The following EXOC6B variants were observed in gnomAD, a reference collection of about 807,000 sequenced individuals.
EXOC6B encodes the protein exocyst complex component 6B.
In EXOC6B, 54 loss-of-function variants were observed where a neutral mutation model predicts 113.5. The ratio of observed to expected loss-of-function variants is 0.48; its 90% CI spans 0.38 to 0.60. EXOC6B has a LOEUF of 0.60. EXOC6B is among the 20% of genes least tolerant of loss of function. The probability of loss-of-function intolerance (pLI) is 0.00; values close to 1 mark genes in which losing one functional copy is unlikely to be tolerated. For missense variants in EXOC6B, 797 were observed against 977.5 expected (o/e 0.82, Z 2.46); for synonymous variants, 357 against 339.0 (o/e 1.05, Z -0.58).
At chr2:72,816,361 C>T (rs1316635695) in intron 1 of EXOC6B, among the ~76,000 whole-genome samples, 1 of 152,102 alleles carries the variant, frequency 6.6e-6, no homozygotes, top group Non-Finnish European at 1.5e-5. Context: ...CCTCTATATA[C>T]TGATATGGAC....
intron 6 of EXOC6B, among the ~76,000 whole-genome samples, chr2:72,588,600 C>CTGTACAACATTGTGAA (rs1705729813): frequency 6.6e-6 from 1 of 151,962 alleles, no homozygotes; most frequent in African/African-American, 2.4e-5. Flanking sequence ...TAGAGATTGG[C>CTGTACAACATTGTGAA]TGTACAACAT....
intron 6 of EXOC6B, among the ~76,000 whole-genome samples, chr2:72,701,419 A>T (rs1358919808): frequency 6.6e-6 from 1 of 152,062 alleles, no homozygotes; most frequent in Non-Finnish European, 1.5e-5. Context: ...ATCTAGAGAT[A>T]TCAAAGTTGA....
At chr2:72,748,744 A>T (rs1446233885) in intron 1 of EXOC6B, among the ~76,000 whole-genome samples, 1 of 152,038 alleles carries the variant, frequency 6.6e-6, no homozygotes, top group African/African-American at 2.4e-5. Context: ...AATGATGGCT[A>T]TTTCCAGAGG....
chr2:72,290,809 C>T (rs1685736066), intron 20 of EXOC6B, among the ~76,000 whole-genome samples: 1 of 151,886 alleles, frequency 6.6e-6, no homozygotes, highest in Admixed American at 6.6e-5. Flanking sequence ...TTCAATAAAA[C>T]ATTACAGTTA....
chr2:72,498,606 G>GTT (rs74263957), intron 12 of EXOC6B, 55 bp from the exon 13 acceptor site: 8,748 of 828,270 alleles, frequency 0.011, 36 homozygotes, highest in African/African-American at 0.034. Context: ...TTTTTTTTCG[G>GTT]TTTTTTTTTT....
intron 1 of EXOC6B, among the ~76,000 whole-genome samples, chr2:72,780,385 T>C (rs1237635318): frequency 2.0e-5 from 3 of 152,202 alleles, no homozygotes; most frequent in Admixed American, 6.5e-5. Flanking sequence ...CTTTATAAAA[T>C]AACCTGATTA....
intron 20 of EXOC6B, among the ~76,000 whole-genome samples, chr2:72,251,664 C>T (rs1360789025): frequency 6.6e-6 from 1 of 152,052 alleles, no homozygotes; most frequent in Non-Finnish European, 1.5e-5. Flanking sequence ...ATACATTTCC[C>T]CATATTGTAA....
At chr2:72,333,575 G>C (rs553769490) in intron 20 of EXOC6B, among the ~76,000 whole-genome samples, 1 of 152,100 alleles carries the variant, frequency 6.6e-6, no homozygotes, top group Non-Finnish European at 1.5e-5. Flanking sequence ...TCAGTCAAGG[G>C]ATTAAAACCT....
rs1473594484 is a variant in EXOC6B at position 72,559,512 on chromosome 2, C to G, written c.856G>C (p.Ala286Pro). 1 of 1,612,074 alleles carries G rather than the reference C, an allele frequency of 6.2e-7. No individual in the cohort carries two copies. The highest frequency in any genetic ancestry group is 1.1e-5 in the South Asian group (1 of 90,796). ...DEEDDEEVPG[A>P]QDLVDFSPVY... ...GGAGAGAAATCCACCAAATCTTGGG[C>G]CCCAGGTACCTGCAAACACAAGATT... The change falls in exon 8 of 22, where the codon GCC becomes CCC. Residue 286 changes from alanine (A) to proline (P), a missense_variant. Physicochemically the swap from Ala to Pro is conservative, Grantham distance 27 (BLOSUM62 -1). Transcript: ENST00000272427.
intron 6 of EXOC6B, among the ~76,000 whole-genome samples, chr2:72,627,228 T>C (rs1314845639): frequency 6.6e-6 from 1 of 152,202 alleles, no homozygotes; most frequent in African/African-American, 2.4e-5. Context: ...TGCAAAATTT[T>C]TCCTCTCTTC....
chr2:72,297,136 G>A (rs1450170845), intron 20 of EXOC6B, among the ~76,000 whole-genome samples: 1 of 152,062 alleles, frequency 6.6e-6, no homozygotes, highest in Non-Finnish European at 1.5e-5. Context: ...TATAATATAG[G>A]TAAATATAAA....
intron 6 of EXOC6B, among the ~76,000 whole-genome samples, chr2:72,694,548 G>A (rs1677728673): frequency 6.6e-6 from 1 of 152,106 alleles, no homozygotes; most frequent in Non-Finnish European, 1.5e-5. Context: ...CATATTTTTG[G>A]TCCAAGTTAG....
chr2:72,787,150 C>G (rs1037663712), intron 1 of EXOC6B, among the ~76,000 whole-genome samples: 2 of 152,062 alleles, frequency 1.3e-5, no homozygotes, highest in African/African-American at 4.8e-5. Context: ...GAATTCATCT[C>G]AGAAAACCTT....
At chr2:72,460,585 C>G (rs1425859409) in intron 18 of EXOC6B, among the ~76,000 whole-genome samples, 1 of 152,092 alleles carries the variant, frequency 6.6e-6, no homozygotes, top group African/African-American at 2.4e-5. Context: ...GACATTTATG[C>G]AGCCAGAAAA....
intron 18 of EXOC6B, among the ~76,000 whole-genome samples, chr2:72,416,929 A>T (rs1694561889): frequency 6.6e-6 from 1 of 152,158 alleles, no homozygotes; most frequent in African/African-American, 2.4e-5. Context: ...ACAATACCAC[A>T]TACTCGTTCG....
intron 1 of EXOC6B, among the ~76,000 whole-genome samples, chr2:72,779,157 T>C (rs185467905): frequency 1.3e-5 from 2 of 152,016 alleles, no homozygotes; most frequent in African/African-American, 4.8e-5. Flanking sequence ...CTTCATTGTA[T>C]AAAGAAACTG....
At chr2:72,348,927 C>A (rs1689489406) in intron 19 of EXOC6B, among the ~76,000 whole-genome samples, 1 of 152,014 alleles carries the variant, frequency 6.6e-6, no homozygotes, top group East Asian at 1.9e-4. Context: ...CAGCATGACC[C>A]ATTCCAAGCT....
chr2:72,734,096 A>C (rs1401966244), intron 2 of EXOC6B, among the ~76,000 whole-genome samples: 1 of 152,212 alleles, frequency 6.6e-6, no homozygotes, highest in African/African-American at 2.4e-5. Flanking sequence ...GATGTTTTCC[A>C]AATTTATCTA....
At chr2:72,256,190 C>T (rs1241371301) in intron 20 of EXOC6B, among the ~76,000 whole-genome samples, 4 of 152,258 alleles carry the variant, frequency 2.6e-5, no homozygotes, top group Admixed American at 1.3e-4. Flanking sequence ...AAGCTGAAGG[C>T]AAGGAAGGAT....
Sources: allele counts gnomAD v4.1 joint callset (sites outside exome capture counted in the v4.1 genomes callset), GRCh38; gene constraint gnomAD v4.1.1; transcripts MANE v1.5; gene names NCBI Gene and HGNC (gene_info 2026-07-23, HGNC 2026-07-21).